NOX4: variants seen among roughly 807,000 people sequenced by gnomAD.
NOX4 encodes NADPH oxidase 4.
NOX4 carries 69 observed loss-of-function variants against 87.6 expected under a neutral mutation model. The ratio of observed to expected loss-of-function variants is 0.79; its 90% CI spans 0.65 to 0.96. NOX4 has a LOEUF of 0.96. Among genes scored for constraint, NOX4 ranks in the 40% least tolerant of loss-of-function variants. The probability of loss-of-function intolerance (pLI) is 0.00; values close to 1 mark genes in which losing one functional copy is unlikely to be tolerated. For missense variants in NOX4, 680 were observed against 681.5 expected (o/e 1.00, Z 0.02); for synonymous variants, 275 against 238.2 (o/e 1.15, Z -1.42).
At chr11:89,569,900 G>C in the NOX4 span, among the ~76,000 whole-genome samples, 1 of 151,762 alleles carries the variant, frequency 6.6e-6, no homozygotes, top group Non-Finnish European at 1.5e-5. Flanking sequence ...TACTCGGGAG[G>C]CTGAGGCAGG....
chr11:89,517,653 A>G, the NOX4 span, among the ~76,000 whole-genome samples: 2 of 151,720 alleles, frequency 1.3e-5, no homozygotes, highest in Non-Finnish European at 2.9e-5. Flanking sequence ...TTCAATTTTA[A>G]AAACATTTTT....
intron 13 of NOX4, among the ~76,000 whole-genome samples, chr11:89,350,018 A>G (rs1946389729): frequency 6.6e-6 from 1 of 152,190 alleles, no homozygotes; most frequent in South Asian, 2.1e-4. Flanking sequence ...ATAAATCAAC[A>G]ATATGCATTT....
chr11:89,552,743 T>TA, the NOX4 span, among the ~76,000 whole-genome samples: 5 of 152,290 alleles, frequency 3.3e-5, no homozygotes, highest in East Asian at 9.7e-4. Flanking sequence ...TTACTGGGAA[T>TA]AAACTGAAAG....
chr11:89,588,916 C>T, the NOX4 span, among the ~76,000 whole-genome samples: 80 of 152,176 alleles, frequency 5.3e-4, no homozygotes, highest in Non-Finnish European at 6.2e-4. Flanking sequence ...AGAGGGGTCC[C>T]GTATATCGGT....
intron 13 of NOX4, 78 bp from the exon 14 acceptor site, chr11:89,342,271 C>T (rs1295188612): frequency 2.6e-5 from 34 of 1,307,286 alleles, no homozygotes; most frequent in Non-Finnish European, 1.3e-5. Context: ...AGCAAACATG[C>T]TGAATGCAAT....
At chr11:89,465,577 A>G (rs907191219) in intron 2 of NOX4, among the ~76,000 whole-genome samples, 4 of 152,158 alleles carry the variant, frequency 2.6e-5, no homozygotes, top group African/African-American at 9.7e-5. Flanking sequence ...CAATGGTTGA[A>G]CTAATTTACA....
intron 13 of NOX4, among the ~76,000 whole-genome samples, chr11:89,351,009 C>T (rs559914519): frequency 6.6e-6 from 1 of 152,304 alleles, no homozygotes; most frequent in Admixed American, 6.5e-5. Context: ...ATGTTGAAAG[C>T]TGAGATAGGC....
At chr11:89,431,902 G>A (rs978607226) in intron 7 of NOX4, among the ~76,000 whole-genome samples, 6 of 152,074 alleles carry the variant, frequency 3.9e-5, no homozygotes, top group Non-Finnish European at 5.9e-5. Context: ...ACAGGCACAC[G>A]TATGTTTATT....
intron 11 of NOX4, among the ~76,000 whole-genome samples, chr11:89,383,011 A>T (rs1388517496): frequency 6.6e-6 from 1 of 152,034 alleles, no homozygotes; most frequent in African/African-American, 2.4e-5. Context: ...CTCAATATGC[A>T]TTTTATCACC....
intron 4 of NOX4, among the ~76,000 whole-genome samples, chr11:89,447,107 T>C (rs1170689675): frequency 5.3e-5 from 8 of 152,038 alleles, no homozygotes; most frequent in Non-Finnish European, 8.8e-5. Context: ...ATGAGTTAAA[T>C]AACAAGCAAG....
At chr11:89,405,042 G>T (rs1942090147) in intron 8 of NOX4, among the ~76,000 whole-genome samples, 1 of 147,726 alleles carries the variant, frequency 6.8e-6, no homozygotes, top group East Asian at 2.0e-4. Context: ...TAAATAGGTA[G>T]GCATTGTAAA....
the NOX4 span, among the ~76,000 whole-genome samples, chr11:89,541,306 C>G: frequency 6.6e-6 from 1 of 152,134 alleles, no homozygotes; most frequent in Admixed American, 6.5e-5. Context: ...ACAGTGCTGT[C>G]GAAATTTCCA....
At chr11:89,572,588 C>T in the NOX4 span, among the ~76,000 whole-genome samples, 3,633 of 152,116 alleles carry the variant, frequency 0.024, 70 homozygotes, top group African/African-American at 0.051. Flanking sequence ...CTCACTCTGT[C>T]GCCCAGGCTG....
the NOX4 span, among the ~76,000 whole-genome samples, chr11:89,519,068 G>T: frequency 2.6e-5 from 4 of 151,836 alleles, no homozygotes. Context: ...TAGGTTGTTG[G>T]TATCAAATAA....
At chr11:89,455,208 T>G (rs905830216) in intron 2 of NOX4, among the ~76,000 whole-genome samples, 2 of 151,962 alleles carry the variant, frequency 1.3e-5, no homozygotes, top group Non-Finnish European at 2.9e-5. Flanking sequence ...ATTTCCTCTT[T>G]AGTTGGTATA....
At chr11:89,519,007 A>T in the NOX4 span, among the ~76,000 whole-genome samples, 2 of 152,192 alleles carry the variant, frequency 1.3e-5, no homozygotes, top group South Asian at 4.1e-4. Flanking sequence ...GCATTTATTC[A>T]TAAGTCAAAA....
At chr11:89,538,684 C>G in the NOX4 span, among the ~76,000 whole-genome samples, 1 of 151,676 alleles carries the variant, frequency 6.6e-6, no homozygotes, top group Non-Finnish European at 1.5e-5. Flanking sequence ...TAAATTTCTC[C>G]AAAACTCAGT....
intron 6 of NOX4, among the ~76,000 whole-genome samples, chr11:89,433,159 T>C (rs901748984): frequency 3.9e-5 from 6 of 152,114 alleles, no homozygotes; most frequent in Non-Finnish European, 7.4e-5. Flanking sequence ...AAACATTTAT[T>C]ATTACTTTGT....
chr11:89,566,604 G>A, the NOX4 span, among the ~76,000 whole-genome samples: 7 of 152,242 alleles, frequency 4.6e-5, no homozygotes, highest in South Asian at 2.1e-4. Flanking sequence ...GCAAAAAAGC[G>A]AGAGGAGCCA....
Sources: allele counts gnomAD v4.1 joint callset (sites outside exome capture counted in the v4.1 genomes callset), GRCh38; gene constraint gnomAD v4.1.1; transcripts MANE v1.5; gene names NCBI Gene and HGNC (gene_info 2026-07-23, HGNC 2026-07-21).